LRTM3: variants seen among roughly 807,000 people sequenced by gnomAD.
The protein encoded by LRTM3 is leucine rich repeat transmembrane protein 3, also known as leucine-rich repeat transmembrane protein 3.
At chr13:102,737,100 G>C in the LRTM3 span, 1 of 1,551,170 alleles carries the variant, frequency 6.4e-7, no homozygotes. Context: ...GGGATATTGA[G>C]TGTATGTGGA....
At chr13:102,739,884 T>C in the LRTM3 span, 1 of 1,550,292 alleles carries the variant, frequency 6.5e-7, no homozygotes, top group South Asian at 1.2e-5. Flanking sequence ...TTGTCTGTCA[T>C]GTTCCACTGC....
chr13:102,733,027 C>T, the LRTM3 span: 1 of 1,551,386 alleles, frequency 6.4e-7, no homozygotes. Flanking sequence ...CAATCTCTGT[C>T]ATATCCATGT....
chr13:102,732,921 T>A, the LRTM3 span: 8 of 1,551,354 alleles, frequency 5.2e-6, no homozygotes, highest in Admixed American at 1.6e-4. Flanking sequence ...AATTGAAAAG[T>A]CCAGGGAGGG....
At chr13:102,747,321 G>C in the LRTM3 span, 1 of 1,549,820 alleles carries the variant, frequency 6.5e-7, no homozygotes, top group Non-Finnish European at 8.7e-7. Context: ...TGCAGTATCT[G>C]TTTAATTATA....
the LRTM3 span, among the ~76,000 whole-genome samples, chr13:102,758,157 T>C: frequency 6.6e-6 from 1 of 152,208 alleles, no homozygotes; most frequent in African/African-American, 2.4e-5. Context: ...AGCAAGTCAC[T>C]TATCCTCTTC....
the LRTM3 span, chr13:102,749,870 G>T: frequency 6.4e-7 from 1 of 1,551,438 alleles, no homozygotes; most frequent in Non-Finnish European, 8.7e-7. Context: ...GGACTCTTGA[G>T]ATCTTGAGCA....
At chr13:102,742,700 A>G in the LRTM3 span, 1 of 1,550,752 alleles carries the variant, frequency 6.4e-7, no homozygotes, top group Non-Finnish European at 8.7e-7. Flanking sequence ...CTTTGCCTGC[A>G]AAGGTCTACC....
the LRTM3 span, chr13:102,742,943 C>T: frequency 6.5e-7 from 1 of 1,547,942 alleles, no homozygotes; most frequent in African/African-American, 1.4e-5. Flanking sequence ...CCTTGCGAGC[C>T]CAACTTTGAG....
chr13:102,730,020 A>G, the LRTM3 span: 1 of 1,551,660 alleles, frequency 6.4e-7, no homozygotes. Flanking sequence ...ACACTAGATG[A>G]CCTAGACTGA....
chr13:102,745,135 A>G, the LRTM3 span: 8 of 1,550,686 alleles, frequency 5.2e-6, no homozygotes, highest in East Asian at 4.9e-5. Context: ...GAATTTTCCT[A>G]CTTCCTTGGT....
chr13:102,747,351 T>C, the LRTM3 span: 1 of 1,549,770 alleles, frequency 6.5e-7, no homozygotes, highest in Non-Finnish European at 8.7e-7. Flanking sequence ...TTGCCTCCCA[T>C]TTTTTTCCTG....
the LRTM3 span, chr13:102,732,358 C>T: frequency 6.4e-7 from 1 of 1,551,272 alleles, no homozygotes; most frequent in South Asian, 1.2e-5. Context: ...GTGTACCACG[C>T]CCCGTGATAT....
At chr13:102,750,164 C>T in the LRTM3 span, 1 of 1,551,042 alleles carries the variant, frequency 6.4e-7, no homozygotes, top group Non-Finnish European at 8.7e-7. Flanking sequence ...CTCTGTATGG[C>T]TTAGACACGT....
At chr13:102,750,668 G>A in the LRTM3 span, among the ~76,000 whole-genome samples, 1 of 152,014 alleles carries the variant, frequency 6.6e-6, no homozygotes, top group Admixed American at 6.6e-5. Context: ...CAAAGTTGCT[G>A]GATTAAGATT....
At chr13:102,735,396 A>G in the LRTM3 span, 38 of 1,551,270 alleles carry the variant, frequency 2.4e-5, no homozygotes, top group African/African-American at 3.3e-4. Context: ...TGTGGGAGAG[A>G]CACTTTTGCA....
At chr13:102,732,072 G>T in the LRTM3 span, 126 of 1,551,330 alleles carry the variant, frequency 8.1e-5, 2 homozygotes, top group African/African-American at 1.4e-3. Context: ...ACTGCAAAGG[G>T]CTGGGGATCT....
At chr13:102,744,397 A>AT in the LRTM3 span, 1 of 1,550,082 alleles carries the variant, frequency 6.5e-7, no homozygotes. Context: ...TCCTTCTAGG[A>AT]TTTTCATCCC....
the LRTM3 span, chr13:102,734,008 A>G: frequency 7.7e-6 from 12 of 1,551,466 alleles, no homozygotes; most frequent in Non-Finnish European, 1.0e-5. Context: ...CTGAATCCAG[A>G]TAAAGAGGAG....
chr13:102,741,282 C>A, the LRTM3 span: 68 of 1,550,212 alleles, frequency 4.4e-5, 1 homozygote, highest in East Asian at 1.7e-3. Context: ...GTAACATTTT[C>A]TTTTCTTGCT....
Sources: allele counts gnomAD v4.1 joint callset (sites outside exome capture counted in the v4.1 genomes callset), GRCh38; gene constraint gnomAD v4.1.1; transcripts MANE v1.5; gene names NCBI Gene and HGNC (gene_info 2026-07-23, HGNC 2026-07-21).